The following WDPCP variants were observed in gnomAD, a reference collection of about 807,000 sequenced individuals.
The protein encoded by WDPCP is WD repeat-containing and planar cell polarity effector protein fritz homolog.
Under a neutral mutation model 93.1 loss-of-function variants are expected in WDPCP, and 71 were observed. That is an observed-to-expected ratio of 0.76 (90% CI 0.63 to 0.93). WDPCP has a LOEUF of 0.93. Among genes scored for constraint, WDPCP ranks in the 40% least tolerant of loss-of-function variants. The probability of loss-of-function intolerance (pLI) is 0.00; values close to 1 mark genes in which losing one functional copy is unlikely to be tolerated. For synonymous variants in WDPCP, 315 were observed against 315.0 expected, an observed-to-expected ratio of 1.00 and a Z score of 0.00; for missense variants, 844 against 887.4, an observed-to-expected ratio of 0.95 and a Z score of 0.62.
At chr2:63,700,980 A>T (rs550388200) in intron 2 of WDPCP, among the ~76,000 whole-genome samples, 4 of 152,340 alleles carry the variant, frequency 2.6e-5, no homozygotes, top group East Asian at 3.9e-4. Flanking sequence ...TTGGTGTAAG[A>T]CTTCAAAATC....
At chr2:63,321,288 C>A (rs1462384207) in intron 12 of WDPCP, among the ~76,000 whole-genome samples, 1 of 151,764 alleles carries the variant, frequency 6.6e-6, no homozygotes, top group African/African-American at 2.4e-5. Context: ...AGAACAATAT[C>A]AGTCTGAAGT....
chr2:63,379,991 T>C (rs1445642385), intron 11 of WDPCP, among the ~76,000 whole-genome samples: 1 of 152,152 alleles, frequency 6.6e-6, no homozygotes, highest in Non-Finnish European at 1.5e-5. Context: ...TATGGTTCCT[T>C]GAAAATATAC....
In WDPCP at chr2:63,368,265, A is replaced by G. The variant is rs1200601138; in HGVS notation, c.1748+10121T>C. ...GAGAAAAAGATTACATCACCTGTCA[A>G]TAGTTTTTTGAGTTCTACTAAGTTT... On this transcript the variant is annotated intron_variant, in intron 12 of 17. Transcript: ENST00000272321. 2.6e-5 allele frequency among the ~76,000 whole-genome samples: 4 copies of G among 151,822 alleles called. No individual in the cohort carries two copies. In the East Asian group the frequency reaches 7.7e-4, roughly 29 times the overall value.
chr2:63,302,223 G>C (rs1174575521), intron 13 of WDPCP, among the ~76,000 whole-genome samples: 8 of 152,166 alleles, frequency 5.3e-5, no homozygotes. Context: ...ATGTTAGGCT[G>C]CTCCTAAGCC....
At chr2:63,561,881 C>A (rs989955119) in intron 1 of WDPCP, among the ~76,000 whole-genome samples, 6 of 152,116 alleles carry the variant, frequency 3.9e-5, no homozygotes, top group Admixed American at 3.9e-4. Flanking sequence ...CAGATGCTGG[C>A]GGGGCTGTGG....
rs935013635 is a variant in WDPCP at position 63,176,639 on chromosome 2, A to C, written c.1916-1807T>G. Among the ~76,000 whole-genome samples, 3 of 152,182 alleles carry C rather than the reference A, an allele frequency of 2.0e-5. 1 individual carries two copies. The highest frequency in any genetic ancestry group is 4.4e-5 in the Non-Finnish European group (3 of 68,034). On this transcript the variant is annotated intron_variant, in intron 14 of 17. Coordinates refer to ENST00000272321, the MANE Select transcript of WDPCP (RefSeq NM_015910.7). ...GTTGTAGGAGCTCTGTATGTAGTCT[A>C]GATATTAATGCTTTGTCAGATTTGC...
chr2:63,282,350 C>G (rs1274041578), intron 13 of WDPCP, among the ~76,000 whole-genome samples: 2 of 152,060 alleles, frequency 1.3e-5, no homozygotes, highest in African/African-American at 4.8e-5. Flanking sequence ...ACTAAAAATA[C>G]AAAAATTAGC....
chr2:63,824,688 T>C (rs545791563), intron 1 of WDPCP, among the ~76,000 whole-genome samples: 1 of 151,934 alleles, frequency 6.6e-6, no homozygotes, highest in African/African-American at 2.4e-5. Flanking sequence ...AGGTTAAAAA[T>C]CTTAAATCTT....
intron 12 of WDPCP, among the ~76,000 whole-genome samples, chr2:63,347,459 A>G (rs1457156849): frequency 6.6e-6 from 1 of 152,158 alleles, no homozygotes; most frequent in Non-Finnish European, 1.5e-5. Context: ...TAGCTACTCA[A>G]TTGCATAGTA....
chr2:63,246,207 C>T lies in WDPCP; in HGVS notation c.1915+13100G>A, dbSNP rs181185096. Among the ~76,000 whole-genome samples, 107 of 152,244 alleles carry T rather than the reference C, an allele frequency of 7.0e-4. 1 individual carries two copies. Among genetic ancestry groups the T allele is most frequent in the Middle Eastern group, 6.8e-3 (2 of 294 alleles). On this transcript the variant is annotated intron_variant, in intron 14 of 17. Transcript: ENST00000272321. Reference sequence around the variant, plus strand: ...TGATAGGCAAAAGTTTGCATCCTTGCTATTTTCCAGGAGTGAATTTCTCAC... The same window carrying T: ...TGATAGGCAAAAGTTTGCATCCTTGTTATTTTCCAGGAGTGAATTTCTCAC...
chr2:63,310,429 A>G (rs1686095175), intron 13 of WDPCP, among the ~76,000 whole-genome samples: 1 of 152,084 alleles, frequency 6.6e-6, no homozygotes. Context: ...ATTTTCTACA[A>G]TGCAGCCTTA....
Position 63,488,349 on chromosome 2 carries a change from A to C in WDPCP, c.161-855T>G, listed in dbSNP as rs144406117. On this transcript the variant is annotated intron_variant, in intron 2 of 17. Transcript: ENST00000272321. ...GCTCCAGACTTTCTCAAACTGAATG[A>C]TAAAACTTCAAAAAAAAGTATTACT... 6.4e-4 allele frequency among the ~76,000 whole-genome samples: 98 copies of C among 152,202 alleles called. 1 individual carries two copies. In the East Asian group the frequency reaches 0.015, roughly 23 times the overall value.
chr2:63,715,516 G>A (rs1197796341), intron 2 of WDPCP, among the ~76,000 whole-genome samples: 3 of 152,130 alleles, frequency 2.0e-5, no homozygotes, highest in African/African-American at 4.8e-5. Context: ...ACCAAAAAGA[G>A]AAACAATACC....
At chr2:63,515,856 C>T (rs1702517123) in intron 1 of WDPCP, among the ~76,000 whole-genome samples, 1 of 152,058 alleles carries the variant, frequency 6.6e-6, no homozygotes. Context: ...CTCATCTCTA[C>T]TAAAAATACA....
upstream of WDPCP, chr2:63,588,600 C>A: frequency 1.9e-6 from 1 of 518,192 alleles, no homozygotes. Flanking sequence ...AGGATGCAGT[C>A]TCAGTCACGC....
chr2:63,592,128 C>T (rs1709211616), upstream of WDPCP, among the ~76,000 whole-genome samples: 1 of 152,022 alleles, frequency 6.6e-6, no homozygotes, highest in Non-Finnish European at 1.5e-5. Context: ...CAATGGATTC[C>T]CTGGCCTAAA....
At chr2:63,214,514 T>C (rs944415197) in intron 14 of WDPCP, among the ~76,000 whole-genome samples, 1 of 152,172 alleles carries the variant, frequency 6.6e-6, no homozygotes, top group African/African-American at 2.4e-5. Context: ...GCAGCCAGTA[T>C]CATACTGAAT....
At chr2:63,167,993 G>A (rs1673110507) in intron 15 of WDPCP, among the ~76,000 whole-genome samples, 1 of 150,864 alleles carries the variant, frequency 6.6e-6, no homozygotes, top group Admixed American at 6.7e-5. Context: ...ACACATGCCT[G>A]TTGTCCCAGC....
intron 2 of WDPCP, among the ~76,000 whole-genome samples, chr2:63,731,656 T>G (rs188905708): frequency 6.6e-6 from 1 of 152,340 alleles, no homozygotes; most frequent in Admixed American, 6.5e-5. Context: ...ATTTAACAAA[T>G]TTTTGCTGGA....
Sources: allele counts gnomAD v4.1 joint callset (sites outside exome capture counted in the v4.1 genomes callset), GRCh38; gene constraint gnomAD v4.1.1; transcripts MANE v1.5; gene names NCBI Gene and HGNC (gene_info 2026-07-23, HGNC 2026-07-21).